GMDS: variants seen among roughly 807,000 people sequenced by gnomAD.
The protein encoded by GMDS is GDP-mannose 4,6-dehydratase, also known as GDP-mannose 4,6 dehydratase.
In GMDS, 20 loss-of-function variants were observed where a neutral mutation model predicts 49.9. The observed-to-expected ratio is 0.40, with a 90% CI of 0.28 to 0.58. The LOEUF (loss-of-function observed/expected upper bound fraction) is 0.58. GMDS is among the 20% of genes least tolerant of loss of function. The pLI, the probability that GMDS is intolerant of heterozygous loss-of-function variation, is 0.42. For missense variants in GMDS, 362 were observed against 481.4 expected, an observed-to-expected ratio of 0.75 and a Z score of 2.32; for synonymous variants, 177 against 178.6, an observed-to-expected ratio of 0.99 and a Z score of 0.07.
At chr6:1,872,912 T>A (rs546051027) in intron 7 of GMDS, among the ~76,000 whole-genome samples, 111 of 152,394 alleles carry the variant, frequency 7.3e-4, no homozygotes, top group African/African-American at 2.5e-3. Context: ...CTTGCTGTTG[T>A]AAGCAGCCAC....
At chr6:2,209,570 T>TACACACACACACACAC (rs61216869) in intron 1 of GMDS, among the ~76,000 whole-genome samples, 3 of 135,966 alleles carry the variant, frequency 2.2e-5, no homozygotes, top group Admixed American at 7.2e-5. Context: ...CACATACACA[T>TACACACACACACACAC]ACACACACAC....
intron 7 of GMDS, among the ~76,000 whole-genome samples, chr6:1,908,241 A>G (rs1397449442): frequency 6.6e-6 from 1 of 152,194 alleles, no homozygotes; most frequent in East Asian, 1.9e-4. Flanking sequence ...GCTACTCAGA[A>G]AGGTGCACGA....
intron 1 of GMDS, among the ~76,000 whole-genome samples, chr6:2,179,720 T>A (rs1281271686): frequency 6.6e-6 from 1 of 152,212 alleles, no homozygotes; most frequent in Non-Finnish European, 1.5e-5. Flanking sequence ...ATTAAGATAC[T>A]GCCAAAGTAT....
At chr6:1,886,437 T>C (rs1302536355) in intron 7 of GMDS, among the ~76,000 whole-genome samples, 1 of 152,220 alleles carries the variant, frequency 6.6e-6, no homozygotes, top group Non-Finnish European at 1.5e-5. Context: ...TTTTATATTA[T>C]TAAGACATTT....
chr6:1,793,383 A>T (rs993395932), intron 7 of GMDS, among the ~76,000 whole-genome samples: 2 of 152,216 alleles, frequency 1.3e-5, no homozygotes, highest in African/African-American at 4.8e-5. Context: ...AGAAATTCAG[A>T]TAAACTTATA....
chr6:2,209,678 C>G (rs1331478474), intron 1 of GMDS, among the ~76,000 whole-genome samples: 1 of 151,880 alleles, frequency 6.6e-6, no homozygotes, highest in East Asian at 1.9e-4. Flanking sequence ...TTAGCATTAT[C>G]AAACGTGCAT....
intron 2 of GMDS, among the ~76,000 whole-genome samples, chr6:2,124,422 C>G (rs1475844000): frequency 6.6e-6 from 1 of 152,202 alleles, no homozygotes; most frequent in Non-Finnish European, 1.5e-5. Flanking sequence ...CTTGCACAGG[C>G]TGCTGCGTTA....
At chr6:2,215,803 A>G (rs1780308181) in intron 1 of GMDS, among the ~76,000 whole-genome samples, 1 of 152,246 alleles carries the variant, frequency 6.6e-6, no homozygotes, top group Non-Finnish European at 1.5e-5. Context: ...TGAGACAATT[A>G]GTGAAATCTG....
At chr6:1,787,161 A>G (rs1190510094) in intron 7 of GMDS, among the ~76,000 whole-genome samples, 1 of 152,258 alleles carries the variant, frequency 6.6e-6, no homozygotes, top group East Asian at 1.9e-4. Context: ...CTGCCATCAT[A>G]TAAATCAGAG....
chr6:1,741,811 C>CAAAAAAAAAA (rs758949708), intron 8 of GMDS, among the ~76,000 whole-genome samples: 1 of 23,054 alleles, frequency 4.3e-5, no homozygotes, highest in African/African-American at 1.3e-4. Flanking sequence ...GACTCTGTCT[C>CAAAAAAAAAA]AAAAAAAAAA....
intron 7 of GMDS, among the ~76,000 whole-genome samples, chr6:1,924,467 C>T (rs1761892060): frequency 6.6e-6 from 1 of 152,200 alleles, no homozygotes; most frequent in Non-Finnish European, 1.5e-5. Flanking sequence ...TTGATTAACC[C>T]TGTCTCCCAA....
intron 9 of GMDS, among the ~76,000 whole-genome samples, chr6:1,646,886 G>C (rs1561696750): frequency 1.3e-5 from 2 of 152,164 alleles, no homozygotes; most frequent in Non-Finnish European, 2.9e-5. Context: ...GGTGGGGGGT[G>C]GGGTGGGGAG....
intron 9 of GMDS, among the ~76,000 whole-genome samples, chr6:1,691,960 CA>C (rs1177621202): frequency 2.6e-5 from 4 of 152,024 alleles, no homozygotes; most frequent in Non-Finnish European, 5.9e-5. Flanking sequence ...AGGGAGTTGC[CA>C]AAGGAGATCA....
At chr6:1,700,485 T>C (rs1018951459) in intron 9 of GMDS, among the ~76,000 whole-genome samples, 1 of 152,004 alleles carries the variant, frequency 6.6e-6, no homozygotes, top group Non-Finnish European at 1.5e-5. Flanking sequence ...CTTCTGCAAA[T>C]CATTAGTTTC....
At chr6:1,751,687 T>C (rs1354959833) in intron 7 of GMDS, among the ~76,000 whole-genome samples, 1 of 152,050 alleles carries the variant, frequency 6.6e-6, no homozygotes, top group Non-Finnish European at 1.5e-5. Flanking sequence ...AGAGATGAGG[T>C]TTCACCATGT....
chr6:2,042,948 A>G (rs909553246), intron 4 of GMDS, among the ~76,000 whole-genome samples: 4 of 152,224 alleles, frequency 2.6e-5, no homozygotes, highest in Admixed American at 6.5e-5. Flanking sequence ...AATATTCATA[A>G]GCATCCATAT....
At chr6:1,944,331 C>T (rs916414339) in intron 6 of GMDS, among the ~76,000 whole-genome samples, 1 of 152,088 alleles carries the variant, frequency 6.6e-6, no homozygotes, top group Non-Finnish European at 1.5e-5. Flanking sequence ...ACAGTGAAAC[C>T]CCGTCTCTAC....
At chr6:2,236,342 C>T (rs748556327) in intron 1 of GMDS, among the ~76,000 whole-genome samples, 2 of 152,232 alleles carry the variant, frequency 1.3e-5, no homozygotes, top group South Asian at 2.1e-4. Flanking sequence ...TGCCATCATC[C>T]GTGGAATTTT....
At chr6:2,042,078 G>C (rs1581560852) in intron 4 of GMDS, among the ~76,000 whole-genome samples, 1 of 152,158 alleles carries the variant, frequency 6.6e-6, no homozygotes, top group African/African-American at 2.4e-5. Flanking sequence ...AGATAACCCT[G>C]AGATAACTGT....
Sources: gnomAD v4.1 joint callset for allele counts (sites outside exome capture counted in the v4.1 genomes callset) on GRCh38, gnomAD v4.1.1 for gene constraint, MANE v1.5 for transcripts, NCBI Gene and HGNC (gene_info 2026-07-23, HGNC 2026-07-21) for gene names.